ULK4: variants seen among roughly 807,000 people sequenced by gnomAD.
ULK4 encodes unc-51 like kinase 4.
In ULK4, 133 loss-of-function variants were observed where a neutral mutation model predicts 160.6. The observed-to-expected ratio is 0.83, with a 90% CI of 0.72 to 0.96. The LOEUF (loss-of-function observed/expected upper bound fraction) is 0.96. ULK4 is among the 40% of genes least tolerant of loss of function. ULK4 has a pLI of 0.00. For missense variants in ULK4, 1,580 were observed against 1,499.5 expected, an observed-to-expected ratio of 1.05 and a Z score of -0.89; for synonymous variants, 534 against 539.8, an observed-to-expected ratio of 0.99 and a Z score of 0.15.
chr3:41,573,281 T>G (rs1315368296), intron 31 of ULK4, among the ~76,000 whole-genome samples: 2 of 152,176 alleles, frequency 1.3e-5, no homozygotes, highest in Non-Finnish European at 2.9e-5. Flanking sequence ...ATTGCTTCAG[T>G]GCTTAAAGAG....
intron 19 of ULK4, among the ~76,000 whole-genome samples, chr3:41,811,646 A>G (rs2040822972): frequency 6.6e-6 from 1 of 152,188 alleles, no homozygotes; most frequent in Non-Finnish European, 1.5e-5. Context: ...TAGGTTTGCC[A>G]TGGGGTATTA....
intron 35 of ULK4, among the ~76,000 whole-genome samples, chr3:41,295,121 T>A (rs776501721): frequency 6.6e-6 from 1 of 152,182 alleles, no homozygotes; most frequent in African/African-American, 2.4e-5. Flanking sequence ...CGGAATAGAA[T>A]AGAGAGCCCA....
At chr3:41,626,604 C>A (rs892709863) in intron 30 of ULK4, among the ~76,000 whole-genome samples, 2 of 150,752 alleles carry the variant, frequency 1.3e-5, no homozygotes, top group African/African-American at 2.5e-5. Context: ...CAGCTCACTG[C>A]AAGCTCTGCT....
chr3:41,705,651 C>T (rs1445636203), intron 25 of ULK4, among the ~76,000 whole-genome samples: 1 of 152,076 alleles, frequency 6.6e-6, no homozygotes, highest in South Asian at 2.1e-4. Context: ...CATGTGCCAC[C>T]ACGCCTGGCT....
At chr3:41,285,204 G>C (rs2079434193) in intron 35 of ULK4, among the ~76,000 whole-genome samples, 1 of 152,142 alleles carries the variant, frequency 6.6e-6, no homozygotes, top group Non-Finnish European at 1.5e-5. Context: ...ACTAAAAGTA[G>C]AACTACCATT....
chr3:41,477,267 T>C (rs2084172136), intron 32 of ULK4, among the ~76,000 whole-genome samples: 2 of 152,250 alleles, frequency 1.3e-5, no homozygotes, highest in Non-Finnish European at 2.9e-5. Context: ...AATATTAATA[T>C]ACATGAACTG....
intron 32 of ULK4, among the ~76,000 whole-genome samples, chr3:41,472,913 G>T (rs1163437992): frequency 6.6e-6 from 1 of 152,130 alleles, no homozygotes; most frequent in Non-Finnish European, 1.5e-5. Context: ...ATATTAAGAG[G>T]TTCATTCACT....
chr3:41,516,665 G>A (rs533738995), intron 32 of ULK4, among the ~76,000 whole-genome samples: 15 of 137,880 alleles, frequency 1.1e-4, no homozygotes, highest in Admixed American at 8.9e-4. Flanking sequence ...CAGAGTAGAA[G>A]GATGATTACC....
chr3:41,777,672 C>T (rs1176641925), intron 21 of ULK4, among the ~76,000 whole-genome samples: 3 of 117,156 alleles, frequency 2.6e-5, no homozygotes, highest in East Asian at 4.2e-4. Flanking sequence ...GCCTTCATTT[C>T]GTTATGTACC....
intron 35 of ULK4, among the ~76,000 whole-genome samples, chr3:41,265,262 G>A (rs2079010127): frequency 6.6e-6 from 1 of 152,238 alleles, no homozygotes; most frequent in Admixed American, 6.5e-5. Context: ...AGAATGATCT[G>A]CATGCTTCCT....
chr3:41,686,905 T>C (rs2036118870), intron 27 of ULK4, among the ~76,000 whole-genome samples: 1 of 152,186 alleles, frequency 6.6e-6, no homozygotes, highest in South Asian at 2.1e-4. Context: ...TGCATTTTAT[T>C]TATTTTCTGC....
intron 35 of ULK4, among the ~76,000 whole-genome samples, chr3:41,267,022 G>GGA (rs1553636495): frequency 6.9e-6 from 1 of 144,876 alleles, no homozygotes; most frequent in South Asian, 2.3e-4. Context: ...CTCTATTGGG[G>GGA]GGGGGGGGTT....
At chr3:41,400,928 G>A (rs1324151500) in intron 34 of ULK4, among the ~76,000 whole-genome samples, 2 of 152,072 alleles carry the variant, frequency 1.3e-5, no homozygotes, top group African/African-American at 4.8e-5. Context: ...TTTCCCTAAT[G>A]GCAACTGATA....
At chr3:41,706,859 G>GTA (rs1449706193) in intron 25 of ULK4, among the ~76,000 whole-genome samples, 1 of 119,376 alleles carries the variant, frequency 8.4e-6, no homozygotes, top group Non-Finnish European at 1.6e-5. Flanking sequence ...ATGTGTGTGT[G>GTA]TGTGTGTGTG....
intron 32 of ULK4, among the ~76,000 whole-genome samples, chr3:41,493,864 C>T (rs2084888026): frequency 6.9e-6 from 1 of 145,578 alleles, no homozygotes; most frequent in Non-Finnish European, 1.5e-5. Context: ...ATACACCCTC[C>T]CAAGACTAAA....
chr3:41,588,945 T>C (rs952765182), intron 31 of ULK4, among the ~76,000 whole-genome samples: 4 of 152,186 alleles, frequency 2.6e-5, no homozygotes, highest in African/African-American at 9.6e-5. Flanking sequence ...CAGTGCCAGC[T>C]AGTGTTGTTG....
chr3:41,710,568 C>A (rs967002024), intron 25 of ULK4, among the ~76,000 whole-genome samples: 1 of 151,826 alleles, frequency 6.6e-6, no homozygotes, highest in African/African-American at 2.4e-5. Flanking sequence ...CTGAGGCAGG[C>A]GGATCACTTG....
intron 32 of ULK4, among the ~76,000 whole-genome samples, chr3:41,533,794 G>C (rs1334040979): frequency 1.3e-5 from 2 of 152,156 alleles, no homozygotes; most frequent in Non-Finnish European, 2.9e-5. Context: ...AAATAGAAGA[G>C]AGCTAGAAAG....
intron 26 of ULK4, 46 bp from the exon 27 acceptor site, chr3:41,705,197 A>C: frequency 6.2e-7 from 1 of 1,609,816 alleles, no homozygotes; most frequent in Non-Finnish European, 8.5e-7. Context: ...ACATGTTCTA[A>C]ATCATAATAT....
Sources: gnomAD v4.1 joint callset for allele counts (sites outside exome capture counted in the v4.1 genomes callset) on GRCh38, gnomAD v4.1.1 for gene constraint, MANE v1.5 for transcripts, NCBI Gene and HGNC (gene_info 2026-07-23, HGNC 2026-07-21) for gene names.